GPRC6A: variants seen among roughly 807,000 people sequenced by gnomAD.
GPRC6A encodes G protein-coupled receptor class C group 6 member A, also known as G protein-coupled receptor family C group 6 member A.
In GPRC6A, 54 loss-of-function variants were observed where a neutral mutation model predicts 47.0. That is an observed-to-expected ratio of 1.15 (90% confidence interval 0.92 to 1.44). The LOEUF (loss-of-function observed/expected upper bound fraction) is 1.44, where lower values mean the gene tolerates loss of function less well. Among genes scored for constraint, GPRC6A ranks in the 40% most tolerant of loss-of-function variants. GPRC6A has a pLI of 0.00. For synonymous variants in GPRC6A, 347 were observed against 377.1 expected (o/e 0.92, Z 0.93); for missense variants, 1,112 against 1,105.5 (o/e 1.01, Z -0.08).
chr6:116,803,502 A>T (rs1385492960), intron 3 of GPRC6A, among the ~76,000 whole-genome samples: 1 of 152,132 alleles, frequency 6.6e-6, no homozygotes, highest in Non-Finnish European at 1.5e-5. Flanking sequence ...ATTGTTAAAA[A>T]TGTAGACTTT....
intron 2 of GPRC6A, among the ~76,000 whole-genome samples, chr6:116,807,934 A>G (rs977926040): frequency 4.0e-5 from 6 of 151,814 alleles, no homozygotes; most frequent in Non-Finnish European, 7.4e-5. Context: ...TACCTTCTAT[A>G]GATGCAATAG....
chr6:116,800,440 A>G, intron 4 of GPRC6A, 144 bp downstream of exon 4: 1 of 516,604 alleles, frequency 1.9e-6, no homozygotes, highest in African/African-American at 2.0e-5. Context: ...TCAGCTAAAT[A>G]GGAGCTACAC....
chr6:116,803,563 A>C (rs879489142), intron 3 of GPRC6A, among the ~76,000 whole-genome samples: 2 of 152,142 alleles, frequency 1.3e-5, no homozygotes, highest in Non-Finnish European at 2.9e-5. Context: ...GATTCCCAGG[A>C]AAGTCAACTG....
At chr6:116,801,843 C>G (rs1474232424) in intron 3 of GPRC6A, among the ~76,000 whole-genome samples, 2 of 151,952 alleles carry the variant, frequency 1.3e-5, no homozygotes, top group Non-Finnish European at 2.9e-5. Context: ...AGCAGGATAT[C>G]AGATCTAACA....
chr6:116,792,683 C>T lies in GPRC6A; in HGVS notation c.2240G>A (p.Gly747Glu), dbSNP rs775109241. 2 of 1,613,274 alleles carry T rather than the reference C, an allele frequency of 1.2e-6. No individual in the cohort carries two copies. The highest frequency in any genetic ancestry group is 1.3e-5 in the African/African-American group (1 of 75,014). ...CATGGTGCCAAATGCAAGTATGGAT[C>T]CCTCCTCACACTCCAGGATGATGAC... is the stretch of plus-strand genomic sequence containing the variant. ...PRVIILECEEGSILAFGTMLG... is the reference protein window; with the variant it reads ...PRVIILECEEESILAFGTMLG... The change falls in exon 6 of 6, where the codon GGA (glycine) becomes GAA (glutamate). Residue 747 changes from glycine (G) to glutamate (E), a missense_variant. Physicochemically the swap from Gly to Glu is moderately conservative, Grantham distance 98. Coordinates refer to ENST00000310357, the MANE Select transcript of GPRC6A (RefSeq NM_148963.4).
At chr6:116,817,006 C>G (rs1002902219) in intron 1 of GPRC6A, among the ~76,000 whole-genome samples, 4 of 152,158 alleles carry the variant, frequency 2.6e-5, no homozygotes, top group African/African-American at 9.6e-5. Flanking sequence ...ACAAAGCAGC[C>G]GGGAAGCTTG....
intron 1 of GPRC6A, among the ~76,000 whole-genome samples, chr6:116,819,376 A>G (rs2114615877): frequency 6.6e-6 from 1 of 150,832 alleles, no homozygotes; most frequent in South Asian, 2.1e-4. Flanking sequence ...CATCTACAGA[A>G]CTCTCCACCC....
rs143913245 is a variant in GPRC6A at position 116,800,741 on chromosome 6, A to T, written c.1391T>A (p.Phe464Tyr). Residue 464 changes from phenylalanine (F) to tyrosine (Y), a missense_variant, in exon 4 of 6, where the codon TTT (phenylalanine) becomes TAT (tyrosine). By Grantham distance (22) the Phe-to-Tyr change is conservative. Coordinates refer to ENST00000310357, the MANE Select transcript of GPRC6A (RefSeq NM_148963.4). Reference sequence around the variant, plus strand: ...AGTATTTAAATCCCCGTGAGCATCAAAATGAAATGAATTCCATCCATCAGT... The same window carrying T: ...AGTATTTAAATCCCCGTGAGCATCATAATGAAATGAATTCCATCCATCAGT... ...TFTDGWNSFH[F>Y]DAHGDLNTGY... 8.0e-4 allele frequency: 1,294 copies of T among 1,611,812 alleles called. 7 individuals carry two copies. In the African/African-American group the frequency reaches 0.015, roughly 19 times the overall value.
intron 3 of GPRC6A, among the ~76,000 whole-genome samples, chr6:116,802,170 T>G (rs1200712353): frequency 1.3e-5 from 2 of 152,186 alleles, no homozygotes; most frequent in Admixed American, 6.6e-5. Context: ...TAAAATTGTA[T>G]AATGTAAATA....
chr6:116,811,760 C>A (rs188523774), intron 1 of GPRC6A, among the ~76,000 whole-genome samples: 189 of 151,506 alleles, frequency 1.2e-3, no homozygotes, highest in African/African-American at 3.6e-3. Context: ...TTCAAGCAGA[C>A]AAAAGAACCT....
At chr6:116,814,664 C>T (rs899475564) in intron 1 of GPRC6A, among the ~76,000 whole-genome samples, 12 of 151,802 alleles carry the variant, frequency 7.9e-5, no homozygotes, top group African/African-American at 2.2e-4. Flanking sequence ...ATGATGAGTT[C>T]GTGGGTGCAG....
chr6:116,792,183 C>T lies in GPRC6A; in HGVS notation c.2740G>A (p.Val914Ile), dbSNP rs1772322186. The T allele has an allele frequency of 6.2e-7, 1 of 1,613,710 alleles. No homozygotes were observed. Among genetic ancestry groups the T allele is most frequent in the South Asian group, 1.1e-5 (1 of 91,044 alleles). The change falls in exon 6 of 6, where the codon GTA (valine) becomes ATA (isoleucine). Residue 914 changes from valine to isoleucine, a missense_variant. Transcript: ENST00000310357. ...CTTTTTCGAGGCAAAGTTTTAGATACACTTGTGGCATTTTCCCTGCATATG... is the reference window on the plus strand; with the variant it reads ...CTTTTTCGAGGCAAAGTTTTAGATATACTTGTGGCATTTTCCCTGCATATG... Reference protein sequence around the residue: ...AHICRENATSVSKTLPRKRMS... With the variant: ...AHICRENATSISKTLPRKRMS...
intron 4 of GPRC6A, among the ~76,000 whole-genome samples, chr6:116,796,515 C>A (rs1031476783): frequency 1.3e-5 from 2 of 152,210 alleles, no homozygotes; most frequent in Admixed American, 6.5e-5. Flanking sequence ...ATTCATAGTC[C>A]CTTTCTCACA....
chr6:116,807,167 T>G lies in GPRC6A; in HGVS notation c.538A>C (p.Ile180Leu). The G allele has an allele frequency of 6.2e-7, 1 of 1,613,326 alleles. No individual in the cohort carries two copies. Among genetic ancestry groups the G allele is most frequent in the Admixed American group, 1.7e-5 (1 of 59,894 alleles). Residue 180 changes from isoleucine to leucine, a missense_variant, in exon 3 of 6, where the codon ATT becomes CTT. By Grantham distance (5) the Ile-to-Leu change is conservative (BLOSUM62 2). Transcript: ENST00000310357. ...ESTAEILSDK[I>L]RFPSFLRTVP... ...GTCCGTAAAAATGAAGGAAAGCGAATTTTGTCACTCAGGATTTCTGCAGTT... is the reference window on the plus strand; with the variant it reads ...GTCCGTAAAAATGAAGGAAAGCGAAGTTTGTCACTCAGGATTTCTGCAGTT...
chr6:116,804,721 T>C (rs549847578), intron 3 of GPRC6A, among the ~76,000 whole-genome samples: 2 of 152,230 alleles, frequency 1.3e-5, no homozygotes, highest in South Asian at 4.1e-4. Context: ...TCAAATCTTA[T>C]CCTTGAAGTG....
intron 1 of GPRC6A, among the ~76,000 whole-genome samples, chr6:116,818,532 T>TCAAAAAAAAAAAAAAAAAAAAAAAAA (rs1554263527): frequency 1.3e-4 from 2 of 15,508 alleles, no homozygotes; most frequent in East Asian, 1.1e-3. Flanking sequence ...AGACTCCGTC[T>TCAAAAAAAAAAAAAAAAAAAAAAAAA]AAAAAAAAAA....
At chr6:116,819,431 A>G (rs1773373267) in intron 1 of GPRC6A, among the ~76,000 whole-genome samples, 1 of 151,770 alleles carries the variant, frequency 6.6e-6, no homozygotes, top group Non-Finnish European at 1.5e-5. Flanking sequence ...CACCACACCT[A>G]TTCCAAAATT....
chr6:116,815,990 C>T (rs1773192379), intron 1 of GPRC6A, among the ~76,000 whole-genome samples: 1 of 152,188 alleles, frequency 6.6e-6, no homozygotes, highest in African/African-American at 2.4e-5. Flanking sequence ...AGGACATACA[C>T]AATCAAGGTG....
intron 1 of GPRC6A, among the ~76,000 whole-genome samples, chr6:116,819,606 C>G (rs1773381391): frequency 6.6e-6 from 1 of 152,182 alleles, no homozygotes; most frequent in African/African-American, 2.4e-5. Context: ...TCCTGAATGA[C>G]TACTGGGTAC....
Sources: allele counts gnomAD v4.1 joint callset (sites outside exome capture counted in the v4.1 genomes callset), GRCh38; gene constraint gnomAD v4.1.1; transcripts MANE v1.5; gene names NCBI Gene and HGNC (gene_info 2026-07-23, HGNC 2026-07-21).